The following TM9SF4 variants were observed in gnomAD, a reference collection of about 807,000 sequenced individuals.
The protein encoded by TM9SF4 is dinucleotide oxidase disulfide thiol exchanger 3 superfamily member 4.
Under a neutral mutation model 90.4 loss-of-function variants are expected in TM9SF4, and 26 were observed. The observed-to-expected ratio is 0.29, with a 90% confidence interval of 0.21 to 0.40. The LOEUF is 0.40. TM9SF4 is among the 10% of genes least tolerant of loss of function. The pLI, the probability that TM9SF4 is intolerant of heterozygous loss-of-function variation, is 1.00. For synonymous variants in TM9SF4, 293 were observed against 315.4 expected, an observed-to-expected ratio of 0.93 and a Z score of 0.75; for missense variants, 549 against 834.8, an observed-to-expected ratio of 0.66 and a Z score of 4.22.
chr20:32,139,877 G>C (rs1247868698), intron 3 of TM9SF4, among the ~76,000 whole-genome samples: 1 of 152,200 alleles, frequency 6.6e-6, no homozygotes, highest in Non-Finnish European at 1.5e-5. Flanking sequence ...CTATTTCTTT[G>C]CTCAGTTAAC....
intron 1 of TM9SF4, among the ~76,000 whole-genome samples, chr20:32,110,435 A>G (rs923012472): frequency 1.3e-5 from 2 of 152,136 alleles, no homozygotes; most frequent in African/African-American, 2.4e-5. Context: ...TTTACTGTGC[A>G]TAAGAATCTC....
At chr20:32,158,557 G>A (rs372648346) in intron 15 of TM9SF4, 43 bp downstream of exon 15, 197 of 1,604,962 alleles carry the variant, frequency 1.2e-4, no homozygotes, top group African/African-American at 1.9e-4. Context: ...CATGCTAGCC[G>A]GGTCACTCCC....
rs2046110192 is a variant in TM9SF4, at chr20:32,109,728, A to G, written c.-13A>G. ...CTTCCGCTGACGTCATTACGGCGAC[A>G]CGTGGATCCAAGATGGCGACGGCGA... On this transcript the variant is annotated 5_prime_UTR_variant, in exon 1 of 18. Coordinates refer to ENST00000398022, the MANE Select transcript of TM9SF4 (RefSeq NM_014742.4). The G allele has an allele frequency of 1.3e-6, 2 of 1,551,522 alleles. No individual in the cohort carries two copies. The highest frequency in any genetic ancestry group is 1.4e-5 in the African/African-American group (1 of 73,048).
intron 1 of TM9SF4, among the ~76,000 whole-genome samples, chr20:32,126,107 AGTAGC>A (rs1200511682): frequency 1.3e-4 from 16 of 123,690 alleles, no homozygotes; most frequent in South Asian, 6.9e-4. Flanking sequence ...ACACACACAC[AGTAGC>A]CAGAGTAACC....
intron 12 of TM9SF4, among the ~76,000 whole-genome samples, chr20:32,151,728 C>T (rs2046844016): frequency 6.6e-6 from 1 of 152,158 alleles, no homozygotes; most frequent in South Asian, 2.1e-4. Flanking sequence ...GTTGCCCAGG[C>T]TGGAGTACAA....
At chr20:32,127,218 T>C (rs1245548980) in intron 1 of TM9SF4, among the ~76,000 whole-genome samples, 3 of 152,236 alleles carry the variant, frequency 2.0e-5, no homozygotes, top group Non-Finnish European at 2.9e-5. Flanking sequence ...AGTTATTCCA[T>C]GGACAGAACC....
intron 1 of TM9SF4, among the ~76,000 whole-genome samples, chr20:32,110,525 A>G (rs2046128113): frequency 6.6e-6 from 1 of 152,190 alleles, no homozygotes; most frequent in Non-Finnish European, 1.5e-5. Context: ...CCATAGGGCT[A>G]GGTGATGCCC....
chr20:32,121,611 C>T (rs2046308718), intron 1 of TM9SF4, among the ~76,000 whole-genome samples: 1 of 152,114 alleles, frequency 6.6e-6, no homozygotes, highest in Admixed American at 6.5e-5. Flanking sequence ...TCTTTCTACA[C>T]AGACAAGGCA....
At chr20:32,136,782 C>CCTCTGTGACTG (rs1487988596) in intron 3 of TM9SF4, 2 of 461,900 alleles carry the variant, frequency 4.3e-6, no homozygotes, top group Non-Finnish European at 9.1e-6. Context: ...ATTAGTGCCT[C>CCTCTGTGACTG]CTCTGTGACT....
chr20:32,153,249 A>G (rs2046869180), intron 12 of TM9SF4, among the ~76,000 whole-genome samples: 1 of 152,180 alleles, frequency 6.6e-6, no homozygotes, highest in African/African-American at 2.4e-5. Flanking sequence ...GGATCCTCTG[A>G]GGTGTTGATG....
At chr20:32,162,012 C>G (rs1489850247) in intron 17 of TM9SF4, among the ~76,000 whole-genome samples, 2 of 152,206 alleles carry the variant, frequency 1.3e-5, no homozygotes, top group Non-Finnish European at 2.9e-5. Flanking sequence ...TCACAGAGCT[C>G]ATTGTCCCGA....
chr20:32,146,414 A>G (rs1470460795), intron 8 of TM9SF4, among the ~76,000 whole-genome samples: 2 of 152,170 alleles, frequency 1.3e-5, no homozygotes, highest in African/African-American at 2.4e-5. Flanking sequence ...TGATGAGAAC[A>G]TAGTGAGGCC....
chr20:32,146,492 G>A (rs1038669442), intron 8 of TM9SF4, among the ~76,000 whole-genome samples: 43 of 152,172 alleles, frequency 2.8e-4, no homozygotes, highest in Non-Finnish European at 4.3e-4. Context: ...CATGAGCTGA[G>A]AAGTCAGTAG....
intron 17 of TM9SF4, among the ~76,000 whole-genome samples, chr20:32,162,983 T>C (rs1019178743): frequency 6.6e-6 from 1 of 152,028 alleles, no homozygotes; most frequent in Non-Finnish European, 1.5e-5. Flanking sequence ...CTCAAAAATA[T>C]CAGGGCTCAA....
intron 1 of TM9SF4, among the ~76,000 whole-genome samples, chr20:32,110,609 A>G (rs927118166): frequency 2.0e-5 from 3 of 152,150 alleles, no homozygotes; most frequent in African/African-American, 7.2e-5. Context: ...TTTGAAAAAC[A>G]CTAATAGCCC....
rs1600817492 is a variant in TM9SF4 at position 32,141,901 on chromosome 20, G to C, written c.528+6G>C. The C allele has an allele frequency of 3.7e-6, 6 of 1,614,046 alleles. No homozygotes were observed. Among genetic ancestry groups the C allele is most frequent in the Non-Finnish European group, 4.2e-6 (5 of 1,179,964 alleles). ...GCTTCACAGATGTCAACAAGGTAGAGTGTCTTTGGCGTGCTCACAGGACCG... is the reference window on the plus strand; with the variant it reads ...GCTTCACAGATGTCAACAAGGTAGACTGTCTTTGGCGTGCTCACAGGACCG... On this transcript the variant is annotated splice_donor_region_variant and intron_variant, in intron 5 of 17. Coordinates refer to ENST00000398022, the MANE Select transcript of TM9SF4 (RefSeq NM_014742.4).
Position 32,141,569 on chromosome 20 carries a change from A to C in TM9SF4, c.302A>C (p.Glu101Ala). Residue 101 changes from glutamate to alanine, a missense_variant, in exon 4 of 18, where the codon GAA becomes GCA. Coordinates refer to ENST00000398022, the MANE Select transcript of TM9SF4 (RefSeq NM_014742.4). ...CTCATGAACAGCGAGAAGAAGTGTG[A>C]AGTTCTGTGCAGCCAGTCCAACAAG... is the stretch of plus-strand genomic sequence containing the variant. ...QVLMNSEKKC[E>A]VLCSQSNKPV... 6.2e-7 allele frequency: 1 copy of C among 1,614,080 alleles called. No individual in the cohort carries two copies. The highest frequency in any genetic ancestry group is 8.5e-7 in the Non-Finnish European group (1 of 1,180,024).
rs1555886418 is a variant in TM9SF4 at position 32,160,056 on chromosome 20, T to C, written c.1634T>C (p.Val545Ala). Reference protein sequence around the residue: ...GFLFLVFIILVVSCSQISIVM... With the variant: ...GFLFLVFIILAVSCSQISIVM... ...CTGTTCCTTGTTTTCATCATCCTGG[T>C]GGTATCCTGTTCACAAATCAGCATC... Residue 545 changes from valine to alanine, a missense_variant, in exon 16 of 18, where the codon GTG (valine) becomes GCG (alanine). Physicochemically the swap from Val to Ala is moderately conservative, Grantham distance 64. Around this residue, in one of 2 missense-constraint regions of TM9SF4, gnomAD observed 495 missense variants for 711.7 expected, o/e 0.70. Transcript: ENST00000398022. The C allele has an allele frequency of 2.5e-6, 4 of 1,614,188 alleles. No homozygotes were observed. The highest frequency in any genetic ancestry group is 3.4e-6 in the Non-Finnish European group (4 of 1,180,034).
chr20:32,143,818 T>TA (rs1336418220), intron 6 of TM9SF4, among the ~76,000 whole-genome samples: 5 of 152,058 alleles, frequency 3.3e-5, no homozygotes, highest in Non-Finnish European at 5.9e-5. Context: ...AAGAGCTCCA[T>TA]AGCACATCTC....
Sources: gnomAD v4.1 joint callset for allele counts (sites outside exome capture counted in the v4.1 genomes callset) on GRCh38, gnomAD v4.1.1 for gene constraint, gnomAD v4.1.1 regional missense constraint, MANE v1.5 for transcripts, NCBI Gene and HGNC (gene_info 2026-07-23, HGNC 2026-07-21) for gene names.